Variants in CFAP77 observed in about 807,000 individuals in gnomAD.
CFAP77 encodes cilia and flagella associated protein 77.
In CFAP77, 25 loss-of-function variants were observed where a neutral mutation model predicts 31.1. That is an observed-to-expected ratio of 0.80 (90% CI 0.59 to 1.12). The LOEUF is 1.12. CFAP77 is among the 50% of genes most tolerant of loss of function. The probability of loss-of-function intolerance (pLI) is 0.00; values close to 1 mark genes in which losing one functional copy is unlikely to be tolerated. For synonymous variants in CFAP77, 151 were observed against 159.9 expected, an observed-to-expected ratio of 0.94 and a Z score of 0.42; for missense variants, 377 against 397.3, an observed-to-expected ratio of 0.95 and a Z score of 0.44.
intron 1 of CFAP77, among the ~76,000 whole-genome samples, chr9:132,433,907 C>T (rs200465592): frequency 6.7e-6 from 1 of 148,640 alleles, no homozygotes; most frequent in East Asian, 2.0e-4. Context: ...AATTACAGTA[C>T]TTTGGGATCA....
In CFAP77 at chr9:132,498,305, C is replaced by T. The variant is rs182892687; in HGVS notation, c.196-390C>T. 3.9e-5 allele frequency among the ~76,000 whole-genome samples: 6 copies of T among 152,242 alleles called. No individual in the cohort carries two copies. Among genetic ancestry groups the T allele is most frequent in the South Asian group, 2.1e-4 (1 of 4,824 alleles). On this transcript the variant is annotated intron_variant, in intron 1 of 5. Transcript: ENST00000393216. This position sits in a 1 kb window ranked among gnomAD's most constrained non-coding sequence, Gnocchi z 4.2. ...TAGGAAAGATGTCTCCTTCCTTCGACGGGGCCTCCAGATGAGGCCTCCTGA... is the reference window on the plus strand; with the variant it reads ...TAGGAAAGATGTCTCCTTCCTTCGATGGGGCCTCCAGATGAGGCCTCCTGA...
intron 1 of CFAP77, among the ~76,000 whole-genome samples, chr9:132,418,260 G>C (rs1243224877): frequency 6.6e-6 from 1 of 152,254 alleles, no homozygotes; most frequent in African/African-American, 2.4e-5. Context: ...TGGCGAGGGG[G>C]TGCTGGTGGC....
At chr9:132,514,246 G>A (rs150482392) in intron 3 of CFAP77, among the ~76,000 whole-genome samples, 6 of 148,162 alleles carry the variant, frequency 4.0e-5, no homozygotes, top group African/African-American at 1.5e-4. Flanking sequence ...TGACCATGGT[G>A]ACAGGAGACG....
chr9:132,425,223 C>T (rs544416227), intron 1 of CFAP77, among the ~76,000 whole-genome samples: 5 of 152,256 alleles, frequency 3.3e-5, no homozygotes, highest in African/African-American at 7.2e-5. Context: ...TACTCAGCGG[C>T]CTGAGGTTCT....
chr9:132,566,776 C>T (rs1829889101), intron 5 of CFAP77, among the ~76,000 whole-genome samples: 2 of 152,196 alleles, frequency 1.3e-5, no homozygotes. Flanking sequence ...CTCGCTGGGG[C>T]CCCTCTGGCC....
intron 1 of CFAP77, among the ~76,000 whole-genome samples, chr9:132,456,828 G>A (rs961776101): frequency 2.6e-5 from 4 of 151,860 alleles, no homozygotes; most frequent in African/African-American, 4.8e-5. Context: ...TCAGCTCACC[G>A]CAACCTCCAC....
At chr9:132,519,747 G>A (rs1453870647) in intron 3 of CFAP77, among the ~76,000 whole-genome samples, 2 of 149,040 alleles carry the variant, frequency 1.3e-5, no homozygotes, top group East Asian at 4.1e-4. Context: ...TGGATGGATG[G>A]ATGGGTGGAT....
chr9:132,425,238 C>T (rs1476496947), intron 1 of CFAP77, among the ~76,000 whole-genome samples: 2 of 152,170 alleles, frequency 1.3e-5, no homozygotes, highest in East Asian at 3.8e-4. Flanking sequence ...GGTTCTAATT[C>T]TGCTTCATTT....
intron 3 of CFAP77, among the ~76,000 whole-genome samples, chr9:132,505,044 A>G (rs1311288392): frequency 6.6e-6 from 1 of 152,212 alleles, no homozygotes; most frequent in Non-Finnish European, 1.5e-5. Context: ...CAAAAACAAA[A>G]TGAGTGTTAT....
At chr9:132,417,323 C>G (rs182149182) in intron 1 of CFAP77, among the ~76,000 whole-genome samples, 1 of 152,132 alleles carries the variant, frequency 6.6e-6, no homozygotes, top group Non-Finnish European at 1.5e-5. Flanking sequence ...CCATGTTGGC[C>G]AGGCTGGTTT....
At chr9:132,464,214 G>A (rs1296929320) in intron 1 of CFAP77, among the ~76,000 whole-genome samples, 1 of 152,176 alleles carries the variant, frequency 6.6e-6, no homozygotes, top group Non-Finnish European at 1.5e-5. Context: ...TCAGTAATGA[G>A]TGTATTGACA....
At chr9:132,430,561 G>C (rs145707056) in intron 1 of CFAP77, among the ~76,000 whole-genome samples, 2 of 152,100 alleles carry the variant, frequency 1.3e-5, no homozygotes, top group African/African-American at 4.8e-5. Context: ...CCTTTGTTGC[G>C]ATCTGAAGAA....
intron 1 of CFAP77, among the ~76,000 whole-genome samples, chr9:132,418,500 T>G (rs1410174065): frequency 1.3e-5 from 2 of 152,242 alleles, no homozygotes; most frequent in Admixed American, 1.3e-4. Context: ...CGGTTTGGTT[T>G]TAATTGCTTC....
chr9:132,537,300 G>C (rs1852559632), intron 3 of CFAP77, among the ~76,000 whole-genome samples: 1 of 152,058 alleles, frequency 6.6e-6, no homozygotes, highest in Non-Finnish European at 1.5e-5. Flanking sequence ...GCTACAACTG[G>C]CTTCAGCAGG....
At chr9:132,533,696 A>T (rs1202796580) in intron 3 of CFAP77, among the ~76,000 whole-genome samples, 1 of 152,194 alleles carries the variant, frequency 6.6e-6, no homozygotes, top group Non-Finnish European at 1.5e-5. Context: ...AGCCTGGCCA[A>T]ATGGCCAAAC....
chr9:132,459,420 G>GGTGTGTGTGT (rs112825234), intron 1 of CFAP77, among the ~76,000 whole-genome samples: 32 of 143,974 alleles, frequency 2.2e-4, no homozygotes, highest in Admixed American at 3.5e-4. Context: ...GGATGAATAG[G>GGTGTGTGTGT]GTGTGTGTGT....
intron 5 of CFAP77, among the ~76,000 whole-genome samples, chr9:132,561,705 G>C (rs1380331584): frequency 1.3e-5 from 2 of 150,170 alleles, no homozygotes; most frequent in East Asian, 3.9e-4. Context: ...GCAACAGCAA[G>C]GCATAACAGT....
intron 1 of CFAP77, among the ~76,000 whole-genome samples, chr9:132,440,177 A>G (rs1850591583): frequency 6.6e-6 from 1 of 151,760 alleles, no homozygotes; most frequent in African/African-American, 2.4e-5. Context: ...CAAAAAATAA[A>G]AATAAAAAAA....
chr9:132,412,605 GT>G (rs1850027888), intron 1 of CFAP77, among the ~76,000 whole-genome samples: 1 of 151,014 alleles, frequency 6.6e-6, no homozygotes, highest in African/African-American at 2.4e-5. Context: ...TTTTTTGTTT[GT>G]TTGTTTTGTG....
Sources: allele counts gnomAD v4.1 joint callset (sites outside exome capture counted in the v4.1 genomes callset), GRCh38; gene constraint gnomAD v4.1.1; non-coding constraint Gnocchi (gnomAD v3.1); transcripts MANE v1.5; gene names NCBI Gene and HGNC (gene_info 2026-07-23, HGNC 2026-07-21).